The following SPTLC3 variants were observed in gnomAD, a reference collection of about 807,000 sequenced individuals.
SPTLC3 encodes serine palmitoyltransferase long chain base subunit 3.
A neutral mutation model predicts 59.3 loss-of-function variants in SPTLC3; 36 were observed. The ratio of observed to expected loss-of-function variants is 0.61; its 90% CI spans 0.47 to 0.80. The LOEUF is 0.80. SPTLC3 is among the 30% of genes least tolerant of loss of function. The pLI, the probability that SPTLC3 is intolerant of heterozygous loss-of-function variation, is 0.00. For synonymous variants in SPTLC3, 257 were observed against 240.8 expected (o/e 1.07, Z -0.62); for missense variants, 625 against 685.1 (o/e 0.91, Z 0.98).
chr20:13,070,751 G>T (rs1449656132), intron 2 of SPTLC3, among the ~76,000 whole-genome samples: 1 of 152,168 alleles, frequency 6.6e-6, no homozygotes, highest in Non-Finnish European at 1.5e-5. Context: ...AGGGGATGGG[G>T]TCAGAGAGGT....
In SPTLC3 at chr20:13,110,152, C is replaced by T. The variant is rs777507010; in HGVS notation, c.867C>T (p.Ile289=). 3 of 1,613,648 alleles carry T rather than the reference C, an allele frequency of 1.9e-6. No homozygotes were observed. The highest frequency in any genetic ancestry group is 4.5e-5 in the East Asian group (2 of 44,836). ...AGAAGCTCCTGAGAGATGCTGTCAT[C>T]TATGGCCAGCCTCGAACCCGCAGAG... is the stretch of plus-strand genomic sequence containing the variant. ...SLEKLLRDAV[I]YGQPRTRRAW... is the part of the protein sequence containing the mutation. The change falls in exon 7 of 12, where the codon ATC becomes ATT. Residue 289 remains isoleucine (I), a synonymous_variant. Transcript: ENST00000399002.
chr20:13,063,462 T>C (rs1411028633), intron 2 of SPTLC3, among the ~76,000 whole-genome samples: 2 of 151,980 alleles, frequency 1.3e-5, no homozygotes, highest in African/African-American at 4.8e-5. Context: ...GTTTTCTTTT[T>C]TTCTCTTTGG....
At chr20:13,118,685 G>A (rs1383667180) in intron 8 of SPTLC3, among the ~76,000 whole-genome samples, 1 of 152,114 alleles carries the variant, frequency 6.6e-6, no homozygotes, top group Non-Finnish European at 1.5e-5. Context: ...GCCACACCAG[G>A]CCCAAAACCA....
At chr20:13,062,689 G>C (rs188862377) in intron 2 of SPTLC3, among the ~76,000 whole-genome samples, 101 of 152,150 alleles carry the variant, frequency 6.6e-4, no homozygotes, top group African/African-American at 2.1e-3. Flanking sequence ...CTTAACGTTC[G>C]TGTGTACTTA....
intron 2 of SPTLC3, among the ~76,000 whole-genome samples, chr20:13,057,037 G>A (rs1048287546): frequency 1.4e-4 from 22 of 152,120 alleles, no homozygotes; most frequent in African/African-American, 4.6e-4. Context: ...ACCGCACCTG[G>A]CTCCCTTTAA....
chr20:13,069,431 G>T (rs1372115622), intron 2 of SPTLC3, among the ~76,000 whole-genome samples: 1 of 152,124 alleles, frequency 6.6e-6, no homozygotes, highest in African/African-American at 2.4e-5. Flanking sequence ...GGGTGAAGGG[G>T]TATAGTTTCA....
intron 1 of SPTLC3, among the ~76,000 whole-genome samples, chr20:13,025,410 TC>T (rs1421007799): frequency 6.6e-6 from 1 of 152,150 alleles, no homozygotes. Flanking sequence ...CTTTCACACT[TC>T]CTGAGCTTGA....
At chr20:13,164,459 CT>C in intron 11 of SPTLC3, 1 of 516,612 alleles carries the variant, frequency 1.9e-6, no homozygotes, top group Admixed American at 2.4e-5. Flanking sequence ...AAAATAAAAC[CT>C]TTTAAGGGTA....
chr20:13,096,548 A>G (rs6041852), intron 6 of SPTLC3, among the ~76,000 whole-genome samples: 4,891 of 152,212 alleles, frequency 0.032, 118 homozygotes, highest in South Asian at 0.079. Context: ...AAACGTGTAT[A>G]CATACTGTCT....
At chr20:13,162,304 T>C (rs922579430) in intron 11 of SPTLC3, among the ~76,000 whole-genome samples, 1 of 152,062 alleles carries the variant, frequency 6.6e-6, no homozygotes, top group Admixed American at 6.6e-5. Context: ...ATGGATGAAT[T>C]TGTAATTTTG....
At position 13,061,144 on chromosome 20, in the gene SPTLC3, G is replaced by A. The variant is rs138608744; in HGVS notation, c.304-11112G>A. On this transcript the variant is annotated intron_variant, in intron 2 of 11. Coordinates refer to ENST00000399002, the MANE Select transcript of SPTLC3 (RefSeq NM_018327.4). ...TTATTGTTTTGGCTTTTTAATAATA[G>A]ACATTCTGAAGTAATTTATCTTTTG... is the stretch of plus-strand genomic sequence containing the variant. Among the ~76,000 whole-genome samples, 723 of 152,158 alleles carry A rather than the reference G, an allele frequency of 4.8e-3. 5 individuals carry two copies. Among genetic ancestry groups the A allele is most frequent in the African/African-American group, 0.016 (649 of 41,518 alleles).
intron 6 of SPTLC3, among the ~76,000 whole-genome samples, chr20:13,102,470 C>CTTAGGTTAAGTGA (rs1989636528): frequency 6.6e-6 from 1 of 152,122 alleles, no homozygotes; most frequent in Admixed American, 6.5e-5. Flanking sequence ...AGCTGGTAAA[C>CTTAGGTTAAGTGA]CTAGGAAGTC....
chr20:13,067,811 C>G (rs571212045), intron 2 of SPTLC3, among the ~76,000 whole-genome samples: 1 of 152,276 alleles, frequency 6.6e-6, no homozygotes, highest in Non-Finnish European at 1.5e-5. Flanking sequence ...ACAGCTGGCT[C>G]TCAAAAGGAC....
chr20:13,093,879 T>C (rs1482915243), intron 6 of SPTLC3, among the ~76,000 whole-genome samples: 1 of 152,190 alleles, frequency 6.6e-6, no homozygotes. Flanking sequence ...TCAGAAGTGT[T>C]ATTACTCTTC....
intron 4 of SPTLC3, among the ~76,000 whole-genome samples, chr20:13,086,080 C>G (rs1988996133): frequency 6.6e-6 from 1 of 152,042 alleles, no homozygotes; most frequent in Admixed American, 6.6e-5. Context: ...TTATTTATAC[C>G]TTCAGATAGC....
rs1017024445 is a variant in SPTLC3 at position 13,009,197 on chromosome 20, G to A, written c.-71G>A. ...CCAAAGAGCTTTATCCCATCCCCTC[G>A]CAGACTGAAAACTAAAGCCTGCAGA... On this transcript the variant is annotated 5_prime_UTR_variant, in exon 1 of 12. Transcript: ENST00000399002. 30 of 1,259,946 alleles carry A rather than the reference G, an allele frequency of 2.4e-5. No individual in the cohort carries two copies. The highest frequency in any genetic ancestry group is 2.9e-5 in the Non-Finnish European group (25 of 871,148). 78.0% of individuals were successfully genotyped at this position (1,259,946 alleles called of 1,614,324 possible). A position where few individuals can be genotyped will look rare whatever the true frequency, so the allele number is the denominator to read the frequency against.
intron 2 of SPTLC3, among the ~76,000 whole-genome samples, chr20:13,060,563 T>G (rs892120514): frequency 6.6e-6 from 1 of 152,124 alleles, no homozygotes; most frequent in South Asian, 2.1e-4. Context: ...ATAATGTGCA[T>G]TGTACCCATT....
chr20:13,163,303 G>T (rs1022376556), intron 11 of SPTLC3, among the ~76,000 whole-genome samples: 11 of 150,198 alleles, frequency 7.3e-5, no homozygotes, highest in Non-Finnish European at 1.3e-4. Context: ...GGGAGGCGGA[G>T]GTTGCAGTGA....
intron 11 of SPTLC3, among the ~76,000 whole-genome samples, chr20:13,163,367 C>CAAAAAA (rs56217510): frequency 2.0e-4 from 18 of 89,946 alleles, no homozygotes; most frequent in African/African-American, 3.1e-4. Flanking sequence ...GACGCTGTCT[C>CAAAAAA]AAAAAAAAAA....
Sources: gnomAD v4.1 joint callset for allele counts (sites outside exome capture counted in the v4.1 genomes callset) on GRCh38, gnomAD v4.1.1 for gene constraint, MANE v1.5 for transcripts, NCBI Gene and HGNC (gene_info 2026-07-23, HGNC 2026-07-21) for gene names.